SLC26A11: variants seen among roughly 807,000 people sequenced by gnomAD.
The protein encoded by SLC26A11 is solute carrier family 26 member 11.
Under a neutral mutation model 62.2 loss-of-function variants are expected in SLC26A11, and 58 were observed. The observed-to-expected ratio is 0.93, with a 90% CI of 0.76 to 1.16. The LOEUF (loss-of-function observed/expected upper bound fraction) is 1.16, where lower values mean the gene tolerates loss of function less well. SLC26A11 is among the 50% of genes most tolerant of loss of function. The probability of loss-of-function intolerance (pLI) is 0.00; values close to 1 mark genes in which losing one functional copy is unlikely to be tolerated. For missense variants in SLC26A11, 790 were observed against 794.3 expected, an observed-to-expected ratio of 0.99 and a Z score of 0.06; for synonymous variants, 411 against 368.9, an observed-to-expected ratio of 1.11 and a Z score of -1.31.
At position 80,224,260 on chromosome 17, in the gene SLC26A11, TGTGCGTGTGTGAGTGA is replaced by T. The variant is rs1389342377; in HGVS notation, c.513+943_513+958del. On this transcript the variant is annotated intron_variant, in intron 5 of 17. Transcript: ENST00000361193. ...GTGGGTTTGAGGGAGTGTGTGAGTG[TGTGCGTGTGTGAGTGA>T]GTGCGTGTGTGAGTGAGTGTGCGTG... Among the ~76,000 whole-genome samples, 301 of 147,162 alleles carry T rather than the reference TGTGCGTGTGTGAGTGA, an allele frequency of 2.0e-3. 1 individual carries two copies. Among genetic ancestry groups the T allele is most frequent in the African/African-American group, 6.6e-3 (264 of 39,948 alleles).
At chr17:80,227,982 T>C in intron 7 of SLC26A11, 22 bp downstream of exon 7, 1 of 1,595,624 alleles carries the variant, frequency 6.3e-7, no homozygotes, top group Non-Finnish European at 8.5e-7. Flanking sequence ...CTGGCTGACA[T>C]CTTATGCAAC....
chr17:80,239,166 G>GC (rs1555629253), intron 9 of SLC26A11, among the ~76,000 whole-genome samples: 3 of 147,706 alleles, frequency 2.0e-5, no homozygotes, highest in South Asian at 2.2e-4. Context: ...CGCAACCTCC[G>GC]CCCCCCAGGT....
chr17:80,234,876 G>T (rs1326526256), intron 7 of SLC26A11, among the ~76,000 whole-genome samples: 1 of 146,708 alleles, frequency 6.8e-6, no homozygotes, highest in Non-Finnish European at 1.5e-5. Flanking sequence ...TTAAGATGGA[G>T]TTTCGCTCTG....
At chr17:80,226,282 T>C (rs547191078) in intron 6 of SLC26A11, among the ~76,000 whole-genome samples, 18 of 152,050 alleles carry the variant, frequency 1.2e-4, no homozygotes, top group Non-Finnish European at 2.4e-4. Flanking sequence ...CAGGCTGTGA[T>C]TTGTTAAGGA....
intron 5 of SLC26A11, among the ~76,000 whole-genome samples, chr17:80,225,323 C>T (rs937574199): frequency 3.3e-5 from 5 of 152,250 alleles, no homozygotes; most frequent in Non-Finnish European, 7.3e-5. Flanking sequence ...TGAAGCCCCT[C>T]AGAGCCCTCC....
chr17:80,238,832 T>G (rs564944515), intron 9 of SLC26A11, among the ~76,000 whole-genome samples: 6 of 143,908 alleles, frequency 4.2e-5, no homozygotes, highest in East Asian at 4.0e-4. Context: ...TTTTTGTTTT[T>G]TTTTTTTTTT....
Position 80,252,717 on chromosome 17 carries a change from TG to T in SLC26A11, c.*5del. ...AAAGGTTGCCCTGCTCAAGGCATAA[TG>T]GGGCCACCCGTGGGCATCCACAGTT... On this transcript the variant is annotated 3_prime_UTR_variant, in exon 18 of 18. Coordinates refer to ENST00000361193, the MANE Select transcript of SLC26A11 (RefSeq NM_001166347.2). This position sits in a 1 kb window ranked among gnomAD's most constrained non-coding sequence, Gnocchi z 5.2. The T allele has an allele frequency of 1.2e-6, 2 of 1,613,194 alleles. No individual in the cohort carries two copies. The highest frequency in any genetic ancestry group is 1.7e-5 in the Admixed American group (1 of 59,990).
At chr17:80,240,222 C>A (rs1453048685) in intron 9 of SLC26A11, among the ~76,000 whole-genome samples, 1 of 152,002 alleles carries the variant, frequency 6.6e-6, no homozygotes, top group East Asian at 2.0e-4. Flanking sequence ...AAAAAATTAG[C>A]CAGGCGTGGT....
In SLC26A11 at chr17:80,241,820, C is replaced by CGATG. The variant is rs1444356981; in HGVS notation, c.1036_1036+1insATGG (p.Gly346AspfsTer87). On this transcript the variant is annotated frameshift_variant and splice_region_variant, in exon 10 of 18. Coordinates refer to ENST00000361193, the MANE Select transcript of SLC26A11 (RefSeq NM_001166347.2). LOFTEE classifies it high-confidence loss of function. Reference sequence around the variant, plus strand: ...ATGCCAACCAGGAGCTGCTGGCCATCGGTAAGACCCCAGCCGCGGGAAGGA... The same window carrying CGATG: ...ATGCCAACCAGGAGCTGCTGGCCATCGATGGGTAAGACCCCAGCCGCGGGAAGGA... 6.2e-7 allele frequency: 1 copy of CGATG among 1,614,068 alleles called. No individual in the cohort carries two copies. Among genetic ancestry groups the CGATG allele is most frequent in the African/African-American group, 1.3e-5 (1 of 74,928 alleles).
At chr17:80,224,216 TG>T in intron 5 of SLC26A11, among the ~76,000 whole-genome samples, 1 of 149,246 alleles carries the variant, frequency 6.7e-6, no homozygotes. Flanking sequence ...TGTGAATGAG[TG>T]AGTGTGTGAG....
At chr17:80,248,765 C>T (rs2043080254) in intron 15 of SLC26A11, 91 bp downstream of exon 15, 11 of 1,276,286 alleles carry the variant, frequency 8.6e-6, no homozygotes, top group South Asian at 2.6e-5. Context: ...ACCCTGTCCC[C>T]AACGCTCTCC....
Position 80,251,331 on chromosome 17 carries a change from C to T in SLC26A11, c.1659C>T (p.Val553=), listed in dbSNP as rs771042696. ...GVALAFVGLQ[V]PVLRVLLSAD... is the part of the protein sequence containing the mutation. ...GCTAAAGTCTGTCTGTCTCTCAGGT[C>T]CCCGTTCTCCGTGTCCTGCTGTCCG... Residue 553 remains valine, a splice_region_variant and synonymous_variant, in exon 17 of 18, where the codon GTC becomes GTT. Transcript: ENST00000361193. 6 of 1,613,908 alleles carry T rather than the reference C, an allele frequency of 3.7e-6. No individual in the cohort carries two copies. In the African/African-American group the frequency reaches 8.0e-5, roughly 22 times the overall value.
rs767163564 is a variant in SLC26A11, at chr17:80,248,175, G to A, written c.1340G>A (p.Trp447Ter). The A allele has an allele frequency of 6.2e-7, 1 of 1,608,022 alleles. No individual in the cohort carries two copies. The highest frequency in any genetic ancestry group is 1.7e-5 in the Admixed American group (1 of 59,994). Residue 447 changes from tryptophan to a stop codon, truncating the protein, a stop_gained, in exon 14 of 18, where the codon TGG (tryptophan) becomes TAG (stop). Transcript: ENST00000361193. LOFTEE classifies it high-confidence loss of function. ...PLCVTFLLCFWEVQYGILAGA... is the reference protein window; with the variant it reads ...PLCVTFLLCF ...TGCGTGACCTTCCTGCTGTGCTTCT[G>A]GGAGGTGCAGTACGGCATCCTGGCC...
At chr17:80,224,325 G>C (rs1436843542) in intron 5 of SLC26A11, among the ~76,000 whole-genome samples, 1 of 150,780 alleles carries the variant, frequency 6.6e-6, no homozygotes, top group Admixed American at 6.6e-5. Flanking sequence ...GTGTGAGTGT[G>C]TATGAGTGAG....
chr17:80,222,993 G>A lies in SLC26A11; in HGVS notation c.427+146G>A, dbSNP rs1030231912. 1 of 841,902 alleles carries A rather than the reference G, an allele frequency of 1.2e-6. No homozygotes were observed. The highest frequency in any genetic ancestry group is 1.7e-5 in the African/African-American group (1 of 58,254). 52.2% of individuals were successfully genotyped at this position (841,902 alleles called of 1,614,324 possible). On this transcript the variant is annotated intron_variant, in intron 4 of 17. Coordinates refer to ENST00000361193, the MANE Select transcript of SLC26A11 (RefSeq NM_001166347.2). The surrounding 1 kb of genome is among the most constrained non-coding windows in gnomAD (Gnocchi z 4.7). ...TGTGTAGGTGGGTGGGTGGTGGAGG[G>A]GGTGGGGCACTTGGCTCTTAGTCTA...
intron 9 of SLC26A11, among the ~76,000 whole-genome samples, chr17:80,240,873 G>C (rs1479927868): frequency 6.6e-6 from 1 of 152,028 alleles, no homozygotes. Flanking sequence ...CACGTTGGGA[G>C]GCCTAGGCAG....
At chr17:80,248,804 T>G (rs1459991270) in intron 15 of SLC26A11, 130 bp downstream of exon 15, 1 of 945,978 alleles carries the variant, frequency 1.1e-6, no homozygotes, top group Non-Finnish European at 1.6e-6. Flanking sequence ...CATCTCTGAG[T>G]GGGCTGGACC....
In SLC26A11 at chr17:80,237,037, A is replaced by T; in HGVS notation, c.846A>T (p.Pro282=). Residue 282 remains proline, a synonymous_variant, in exon 8 of 18, where the codon CCA becomes CCT. Transcript: ENST00000361193. ...GGGAGACAGCTGAGGGGCTCCCTCC[A>T]GTCCGGATCCCGCCCTTCTCAGTGA... The part of the protein sequence containing the change: ...LTGETAEGLP[P]VRIPPFSVTT... The T allele has an allele frequency of 6.2e-7, 1 of 1,614,064 alleles. No individual in the cohort carries two copies. The highest frequency in any genetic ancestry group is 8.5e-7 in the Non-Finnish European group (1 of 1,179,982).
intron 10 of SLC26A11, 111 bp from the exon 11 acceptor site, chr17:80,245,085 C>G (rs931023422): frequency 1.1e-6 from 1 of 932,798 alleles, no homozygotes; most frequent in African/African-American, 1.6e-5. Flanking sequence ...ATGATTCTCC[C>G]GAGCCCTGCC....
Sources: allele counts gnomAD v4.1 joint callset (sites outside exome capture counted in the v4.1 genomes callset), GRCh38; gene constraint gnomAD v4.1.1; non-coding constraint Gnocchi (gnomAD v3.1); transcripts MANE v1.5; gene names NCBI Gene and HGNC (gene_info 2026-07-23, HGNC 2026-07-21).